The following RRAGB variants were observed in gnomAD, a reference collection of about 807,000 sequenced individuals.
RRAGB encodes Ras related GTP binding B.
A neutral mutation model predicts 29.3 loss-of-function variants in RRAGB; 6 were observed. That is an observed-to-expected ratio of 0.21 (90% confidence interval 0.11 to 0.40). The LOEUF (loss-of-function observed/expected upper bound fraction) is 0.40, where lower values mean the gene tolerates loss of function less well. RRAGB is among the 10% of genes least tolerant of loss of function. RRAGB has a pLI of 1.00. For synonymous variants in RRAGB, 101 were observed against 92.5 expected (o/e 1.09, Z -0.53); for missense variants, 184 against 272.9 (o/e 0.67, Z 2.29).
intron 5 of RRAGB, among the ~76,000 whole-genome samples, chrX:55,740,532 T>C (rs2034028278): frequency 1.8e-5 from 2 of 111,809 alleles, no homozygotes; most frequent in Admixed American, 9.5e-5. Flanking sequence ...CTGCTGGCTG[T>C]GGAAGTGTTT....
intron 1 of RRAGB, among the ~76,000 whole-genome samples, 179 bp downstream of exon 1, chrX:55,718,598 T>G (rs762093396): frequency 8.0e-5 from 9 of 112,289 alleles, no homozygotes; most frequent in African/African-American, 2.9e-4. Context: ...TGGTGCTAAC[T>G]GATCAGAAAC....
chrX:55,730,287 T>G (rs1192984892), intron 4 of RRAGB, among the ~76,000 whole-genome samples: 1 of 112,330 alleles, frequency 8.9e-6, no homozygotes, highest in African/African-American at 3.2e-5. Context: ...ATGGATCACT[T>G]AACATCCTAG....
intron 5 of RRAGB, among the ~76,000 whole-genome samples, chrX:55,749,329 C>A (rs1203943746): frequency 1.0e-5 from 1 of 95,960 alleles, no homozygotes; most frequent in Admixed American, 1.1e-4. Flanking sequence ...GGTCAGTCCC[C>A]AGCCCGGCCA....
intron 5 of RRAGB, among the ~76,000 whole-genome samples, chrX:55,749,004 G>T (rs1255786779): frequency 1.0e-5 from 1 of 100,375 alleles, no homozygotes; most frequent in Non-Finnish European, 2.1e-5. Context: ...CATCCGGGAG[G>T]GAGGTGGGGG....
intron 7 of RRAGB, chrX:55,755,270 T>C: frequency 1.3e-6 from 1 of 750,276 alleles, no homozygotes; most frequent in Non-Finnish European, 1.6e-6. Context: ...CTATAGGTAA[T>C]ACTTGTGTGG....
In RRAGB at chrX:55,718,413, C is replaced by A. The variant is rs1024830248; in HGVS notation, c.86C>A (p.Ser29Ter). Reference sequence around the variant, plus strand: ...CCACCACTAGGGGAACCGGAAGGATCGCTTGGGTGGGTGAAGGGTATTTGT... The same window carrying A: ...CCACCACTAGGGGAACCGGAAGGATAGCTTGGGTGGGTGAAGGGTATTTGT... ...MDPPLGEPEG[S>*]LGWVLPNTAM... The change falls in exon 1 of 10, where the codon TCG (serine) becomes TAG (stop). Residue 29 changes from serine (S) to a stop codon, truncating the protein, a stop_gained. Transcript: ENST00000374941. LOFTEE classifies it high-confidence loss of function. 4 of 1,182,308 alleles carry A rather than the reference C, an allele frequency of 3.4e-6. No individual in the cohort carries two copies. Among genetic ancestry groups the A allele is most frequent in the African/African-American group, 1.8e-5 (1 of 56,425 alleles).
chrX:55,754,655 A>G (rs950212264), intron 7 of RRAGB, among the ~76,000 whole-genome samples: 3 of 112,546 alleles, frequency 2.7e-5, no homozygotes, highest in Non-Finnish European at 3.8e-5. Flanking sequence ...CATTTAGTTG[A>G]CAAACTATTA....
chrX:55,747,568 T>C (rs1337918190), intron 5 of RRAGB, among the ~76,000 whole-genome samples: 1 of 112,013 alleles, frequency 8.9e-6, no homozygotes, highest in Non-Finnish European at 1.9e-5. Context: ...CAATCTCATA[T>C]TTGTTATTTT....
intron 5 of RRAGB, among the ~76,000 whole-genome samples, chrX:55,735,491 A>G (rs1350639948): frequency 1.8e-5 from 2 of 112,272 alleles, no homozygotes; most frequent in African/African-American, 3.2e-5. Flanking sequence ...ATCTGCCTTA[A>G]GTCTATAAGA....
At chrX:55,727,357 T>C in intron 3 of RRAGB, 1 of 924,716 alleles carries the variant, frequency 1.1e-6, no homozygotes, top group Non-Finnish European at 1.6e-6. Flanking sequence ...GAGCACCTAC[T>C]CTCTCGTAGA....
At chrX:55,735,559 T>C (rs966360123) in intron 5 of RRAGB, among the ~76,000 whole-genome samples, 3 of 112,150 alleles carry the variant, frequency 2.7e-5, no homozygotes, top group Non-Finnish European at 5.6e-5. Context: ...TGTGTTTTTT[T>C]CCATTCTGTC....
chrX:55,731,985 A>G (rs200449667), intron 5 of RRAGB, among the ~76,000 whole-genome samples: 85 of 112,324 alleles, frequency 7.6e-4, no homozygotes, highest in Admixed American at 5.0e-3. Flanking sequence ...CACCAGTTCA[A>G]GTGCTAACCA....
Position 55,719,363 on chromosome X carries a change from T to TA in RRAGB, c.126+17dup. The TA allele has an allele frequency of 1.7e-6, 2 of 1,157,553 alleles. No individual in the cohort carries two copies. The highest frequency in any genetic ancestry group is 2.3e-6 in the Non-Finnish European group (2 of 860,915). On this transcript the variant is annotated intron_variant, in intron 2 of 9. Coordinates refer to ENST00000374941, the MANE Select transcript of RRAGB (RefSeq NM_006064.5). ...GAAGAAAAAGGTAAGACGTGTTAGATACGTCAAAACCATGAAGGTAAAGGT... is the reference window on the plus strand; with the variant it reads ...GAAGAAAAAGGTAAGACGTGTTAGATAACGTCAAAACCATGAAGGTAAAGGT...
intron 3 of RRAGB, among the ~76,000 whole-genome samples, chrX:55,724,186 C>T (rs1369045103): frequency 8.9e-6 from 1 of 111,857 alleles, no homozygotes; most frequent in African/African-American, 3.2e-5. Context: ...AAACACATAC[C>T]CTTCTGGCTC....
At chrX:55,757,149 C>A in intron 8 of RRAGB, 67 bp from the exon 9 acceptor site, 1 of 539,848 alleles carries the variant, frequency 1.9e-6, no homozygotes, top group Non-Finnish European at 3.1e-6. Context: ...AGATGTTTAA[C>A]ATAAATAAGA....
chrX:55,750,783 A>G (rs2147123545), intron 5 of RRAGB, among the ~76,000 whole-genome samples: 1 of 112,115 alleles, frequency 8.9e-6, no homozygotes, highest in South Asian at 3.7e-4. Flanking sequence ...ACTATCTTAA[A>G]ATGACCCAGA....
chrX:55,745,340 T>C (rs989245324), intron 5 of RRAGB, among the ~76,000 whole-genome samples: 1 of 112,728 alleles, frequency 8.9e-6, no homozygotes, highest in African/African-American at 3.2e-5. Context: ...TGGCCTTGCC[T>C]GCTGAAAGCA....
At chrX:55,730,279 G>T (rs770336322) in intron 4 of RRAGB, among the ~76,000 whole-genome samples, 6 of 112,129 alleles carry the variant, frequency 5.4e-5, no homozygotes, top group Non-Finnish European at 9.4e-5. Context: ...GCTAGCAGAT[G>T]GATCACTTAA....
intron 6 of RRAGB, chrX:55,752,198 G>C: frequency 1.3e-6 from 1 of 748,888 alleles, no homozygotes; most frequent in Non-Finnish European, 1.6e-6. Flanking sequence ...TACTGTTCTA[G>C]ATTAATATGG....
Sources: allele counts gnomAD v4.1 joint callset (sites outside exome capture counted in the v4.1 genomes callset), GRCh38; gene constraint gnomAD v4.1.1; transcripts MANE v1.5; gene names NCBI Gene and HGNC (gene_info 2026-07-23, HGNC 2026-07-21).